COL15A1: variants seen among roughly 807,000 people sequenced by gnomAD.
COL15A1 encodes the protein collagen alpha-1(XV) chain.
A neutral mutation model predicts 165.9 loss-of-function variants in COL15A1; 111 were observed. That is an observed-to-expected ratio of 0.67 (90% CI 0.57 to 0.78). The LOEUF is 0.78. COL15A1 is among the 30% of genes least tolerant of loss of function. The pLI is 0.00. For missense variants in COL15A1, 1,745 were observed against 1,789.7 expected, an observed-to-expected ratio of 0.98 and a Z score of 0.45; for synonymous variants, 659 against 674.8, an observed-to-expected ratio of 0.98 and a Z score of 0.36.
intron 9 of COL15A1, among the ~76,000 whole-genome samples, chr9:99,011,880 C>T (rs911257766): frequency 3.9e-5 from 6 of 152,130 alleles, no homozygotes; most frequent in African/African-American, 1.4e-4. Flanking sequence ...CTGTGAATTT[C>T]AGGTGTTTAT....
chr9:98,952,879 C>G (rs550228681), intron 2 of COL15A1, among the ~76,000 whole-genome samples: 1 of 152,288 alleles, frequency 6.6e-6, no homozygotes, highest in East Asian at 1.9e-4. Context: ...TGATCACTTT[C>G]TTGTGCTAAT....
intron 7 of COL15A1, 84 bp downstream of exon 7, chr9:99,001,035 C>T (rs1838643822): frequency 2.7e-6 from 2 of 734,156 alleles, no homozygotes; most frequent in Non-Finnish European, 5.0e-6. Context: ...TTACTGAGCA[C>T]CAGAGAGAAC....
At position 98,985,832 on chromosome 9, in the gene COL15A1, G is replaced by A. The variant is rs779670663; in HGVS notation, c.368G>A (p.Arg123Gln). 1.4e-5 allele frequency: 22 copies of A among 1,613,918 alleles called. No individual in the cohort carries two copies. The highest frequency in any genetic ancestry group is 4.4e-5 in the South Asian group (4 of 91,080). ...CAGAAGGTCATCTACCTGGGCCTGCGGCTCTCAGGTGTGGAGGACGGCCAC... is the reference window on the plus strand; with the variant it reads ...CAGAAGGTCATCTACCTGGGCCTGCAGCTCTCAGGTGTGGAGGACGGCCAC... ...AFQKVIYLGL[R>Q]LSGVEDGHQR... is the part of the protein sequence containing the mutation. The change falls in exon 3 of 42, where the codon CGG (arginine) becomes CAG (glutamine). Residue 123 changes from arginine to glutamine, a missense_variant. Coordinates refer to ENST00000375001, the MANE Select transcript of COL15A1 (RefSeq NM_001855.5).
intron 2 of COL15A1, among the ~76,000 whole-genome samples, chr9:98,950,764 C>T (rs569120097): frequency 3.7e-4 from 56 of 151,926 alleles, no homozygotes; most frequent in African/African-American, 1.3e-3. Flanking sequence ...ACAGGCATGC[C>T]CAGCTCATTT....
At chr9:99,022,265 C>A in intron 13 of COL15A1, 115 bp downstream of exon 13, 2 of 1,332,452 alleles carry the variant, frequency 1.5e-6, no homozygotes, top group Non-Finnish European at 2.1e-6. Flanking sequence ...TGCAGTCAGA[C>A]CCTAGGGCTT....
rs1263966063 is a variant in COL15A1 at position 99,049,772 on chromosome 9, C to CCTCTAGGGGAAGGTCT, written c.2862+14_2862+15insCTCTAGGGGAAGGTCT. ...AACATCAAAGGAGTAAGTTGGCACG[C>CCTCTAGGGGAAGGTCT]AGTGGGAAGACCTTCCCGATTGGCC... On this transcript the variant is annotated intron_variant, in intron 29 of 41. Transcript: ENST00000375001. The CCTCTAGGGGAAGGTCT allele has an allele frequency of 6.2e-7, 1 of 1,614,150 alleles. No homozygotes were observed. Among genetic ancestry groups the CCTCTAGGGGAAGGTCT allele is most frequent in the Non-Finnish European group, 8.5e-7 (1 of 1,180,052 alleles).
Position 99,044,583 on chromosome 9 carries a change from C to A in COL15A1, c.2590C>A (p.Pro864Thr), listed in dbSNP as rs1230179593. The A allele has an allele frequency of 1.9e-6, 3 of 1,614,024 alleles. No homozygotes were observed. The highest frequency in any genetic ancestry group is 2.5e-6 in the Non-Finnish European group (3 of 1,180,012). Residue 864 changes from proline (P) to threonine (T), a missense_variant, in exon 25 of 42, where the codon CCG (proline) becomes ACG (threonine). Physicochemically the swap from Pro to Thr is conservative, Grantham distance 38. Transcript: ENST00000375001. ...LKGEQGEKGE[P>T]GAILTEDIPL... Reference sequence around the variant, plus strand: ...TGAATTGCAGGGCGAGAAGGGAGAGCCGGGTGCCATCCTGACAGAGGACAT... The same window carrying A: ...TGAATTGCAGGGCGAGAAGGGAGAGACGGGTGCCATCCTGACAGAGGACAT...
chr9:99,068,044 A>G (rs991936949), intron 40 of COL15A1, among the ~76,000 whole-genome samples: 7 of 152,272 alleles, frequency 4.6e-5, no homozygotes, highest in Admixed American at 1.3e-4. Context: ...ATAAGACAGT[A>G]AAAGCAAAAG....
intron 16 of COL15A1, among the ~76,000 whole-genome samples, chr9:99,028,826 A>C (rs1483372484): frequency 6.6e-6 from 1 of 152,182 alleles, no homozygotes; most frequent in African/African-American, 2.4e-5. Context: ...TCTGTTCCCC[A>C]AAAAACGTAT....
intron 2 of COL15A1, among the ~76,000 whole-genome samples, chr9:98,980,706 AG>A (rs779741436): frequency 1.7e-4 from 26 of 152,256 alleles, no homozygotes; most frequent in Non-Finnish European, 2.6e-4. Context: ...TTTGTCGAGG[AG>A]GGGTTAATCG....
chr9:99,012,700 AC>A (rs1838865771), intron 9 of COL15A1, among the ~76,000 whole-genome samples: 2 of 63,362 alleles, frequency 3.2e-5, no homozygotes, highest in African/African-American at 6.4e-5. Context: ...TTTGTTTCCC[AC>A]CCTTTTTTTT....
At chr9:99,054,510 G>A (rs1825682171) in intron 31 of COL15A1, 66 bp from the exon 32 acceptor site, 2 of 1,501,786 alleles carry the variant, frequency 1.3e-6, no homozygotes, top group East Asian at 4.8e-5. Flanking sequence ...ACCTGTCTCA[G>A]AAAGGTTTTA....
Position 99,042,144 on chromosome 9 carries a change from C to T in COL15A1, c.2574+37C>T, listed in dbSNP as rs2119073788. On this transcript the variant is annotated intron_variant, in intron 24 of 41. Transcript: ENST00000375001. ...CCAGGTATCTGAGTGAGATTGGGCGCTGGAATTTGCTAAACGTTTCAGATT... is the reference window on the plus strand; with the variant it reads ...CCAGGTATCTGAGTGAGATTGGGCGTTGGAATTTGCTAAACGTTTCAGATT... The T allele has an allele frequency of 2.1e-6, 3 of 1,450,604 alleles. No homozygotes were observed. In the East Asian group the frequency reaches 6.8e-5, roughly 33 times the overall value. 89.9% of individuals were successfully genotyped at this position (1,450,604 alleles called of 1,614,324 possible).
intron 24 of COL15A1, among the ~76,000 whole-genome samples, chr9:99,044,096 A>G (rs1185915119): frequency 2.0e-5 from 3 of 152,184 alleles, no homozygotes; most frequent in Non-Finnish European, 2.9e-5. Flanking sequence ...TAACAAGAAT[A>G]AGTATTCTTG....
intron 35 of COL15A1, among the ~76,000 whole-genome samples, chr9:99,058,563 G>A (rs1372994746): frequency 6.6e-6 from 1 of 152,212 alleles, no homozygotes; most frequent in Non-Finnish European, 1.5e-5. Flanking sequence ...TAGGGCTGCC[G>A]GGATGCCTTG....
chr9:99,055,042 CTT>C, intron 32 of COL15A1, 58 bp from the exon 33 acceptor site: 1 of 1,441,494 alleles, frequency 6.9e-7, no homozygotes, highest in Admixed American at 1.7e-5. Flanking sequence ...AACTTAGAGA[CTT>C]TTATTTTAAA....
At chr9:99,030,550 T>A (rs1469997472) in intron 16 of COL15A1, among the ~76,000 whole-genome samples, 1 of 152,202 alleles carries the variant, frequency 6.6e-6, no homozygotes, top group African/African-American at 2.4e-5. Flanking sequence ...AGATACTCTC[T>A]TTTTACCATG....
chr9:99,010,394 G>T (rs1838831751), intron 9 of COL15A1, among the ~76,000 whole-genome samples: 1 of 152,212 alleles, frequency 6.6e-6, no homozygotes, highest in African/African-American at 2.4e-5. Flanking sequence ...TTTGGAAGAA[G>T]GGGTCAGGGG....
chr9:99,041,191 A>G (rs958912305), intron 23 of COL15A1: 19 of 152,684 alleles, frequency 1.2e-4, no homozygotes, highest in African/African-American at 4.3e-4. Flanking sequence ...CACTGGACAT[A>G]TTTGTATATA....
Sources: allele counts gnomAD v4.1 joint callset (sites outside exome capture counted in the v4.1 genomes callset), GRCh38; gene constraint gnomAD v4.1.1; transcripts MANE v1.5; gene names NCBI Gene and HGNC (gene_info 2026-07-23, HGNC 2026-07-21).